JAKMIP3: variants seen among roughly 807,000 people sequenced by gnomAD.
JAKMIP3 encodes the protein janus kinase and microtubule-interacting protein 3.
In JAKMIP3, 58 loss-of-function variants were observed where a neutral mutation model predicts 118.5. The observed-to-expected ratio is 0.49, with a 90% CI of 0.40 to 0.61. JAKMIP3 has a LOEUF of 0.61. Among genes scored for constraint, JAKMIP3 ranks in the 20% least tolerant of loss-of-function variants. The pLI, the probability that JAKMIP3 is intolerant of heterozygous loss-of-function variation, is 0.00. For synonymous variants in JAKMIP3, 486 were observed against 451.2 expected, an observed-to-expected ratio of 1.08 and a Z score of -0.98; for missense variants, 950 against 1,109.0, an observed-to-expected ratio of 0.86 and a Z score of 2.04.
At chr10:132,159,646 GCC>G (rs1564981779) in intron 19 of JAKMIP3, among the ~76,000 whole-genome samples, 7 of 59,324 alleles carry the variant, frequency 1.2e-4, no homozygotes, top group East Asian at 5.1e-4. Context: ...ATGCTGGGGG[GCC>G]TCTCCCTGTG....
intron 1 of JAKMIP3, among the ~76,000 whole-genome samples, chr10:132,039,907 GAC>G (rs1168777811): frequency 8.5e-5 from 13 of 152,364 alleles, no homozygotes; most frequent in African/African-American, 3.1e-4. Flanking sequence ...TCTTTGCCAT[GAC>G]ACTAAGCACT....
intron 2 of JAKMIP3, among the ~76,000 whole-genome samples, chr10:132,105,808 G>T (rs1478004757): frequency 6.9e-6 from 1 of 144,408 alleles, no homozygotes; most frequent in Admixed American, 6.8e-5. Context: ...CCTGGGTCAC[G>T]CGTGGATGGT....
chr10:132,130,760 C>T (rs1277350900), intron 3 of JAKMIP3, among the ~76,000 whole-genome samples: 4 of 152,224 alleles, frequency 2.6e-5, no homozygotes, highest in South Asian at 2.1e-4. Flanking sequence ...ATGGCTGTGG[C>T]GAGACGCATG....
At chr10:132,146,595 C>T (rs570723575) in intron 13 of JAKMIP3, among the ~76,000 whole-genome samples, 1 of 152,182 alleles carries the variant, frequency 6.6e-6, no homozygotes, top group Non-Finnish European at 1.5e-5. Context: ...CGATGTCTCA[C>T]GCTGGCAGGT....
At chr10:132,094,770 C>G (rs551054173) in intron 1 of JAKMIP3, among the ~76,000 whole-genome samples, 21 of 151,966 alleles carry the variant, frequency 1.4e-4, no homozygotes, top group African/African-American at 3.6e-4. Flanking sequence ...GAGAGGAACC[C>G]GCGGTGAGTG....
upstream of JAKMIP3, among the ~76,000 whole-genome samples, chr10:132,059,747 G>A (rs982169007): frequency 6.6e-6 from 1 of 152,238 alleles, no homozygotes; most frequent in Non-Finnish European, 1.5e-5. Flanking sequence ...GGAGGGGGCT[G>A]GTGCCAGGGC....
At chr10:132,062,062 G>A (rs1191771075), upstream of JAKMIP3, among the ~76,000 whole-genome samples, 1 of 152,150 alleles carries the variant, frequency 6.6e-6, no homozygotes. Context: ...GGTGAGCCCA[G>A]ACGAAGAAAC....
chr10:132,167,037 G>A lies in JAKMIP3; in HGVS notation c.*4G>A, dbSNP rs372871079. On this transcript the variant is annotated 3_prime_UTR_variant, in exon 22 of 24. Coordinates refer to ENST00000684848, the MANE Select transcript of JAKMIP3 (RefSeq NM_001323087.2). Reference sequence around the variant, plus strand: ...AGCTTTCATTCTCTGGTCATAGTCCGTCTTGGCACCCTGACGTGGTGAGTA... The same window carrying A: ...AGCTTTCATTCTCTGGTCATAGTCCATCTTGGCACCCTGACGTGGTGAGTA... 40 of 1,549,154 alleles carry A rather than the reference G, an allele frequency of 2.6e-5. No homozygotes were observed. The highest frequency in any genetic ancestry group is 1.5e-4 in the East Asian group (6 of 40,892).
chr10:132,092,228 T>C (rs985729195), intron 1 of JAKMIP3, among the ~76,000 whole-genome samples: 12 of 152,212 alleles, frequency 7.9e-5, no homozygotes, highest in Non-Finnish European at 1.6e-4. Context: ...CTTTGGTGAA[T>C]CTGACAATTA....
intron 11 of JAKMIP3, chr10:132,143,798 C>A (rs566498845): frequency 2.0e-5 from 3 of 152,230 alleles, no homozygotes; most frequent in Non-Finnish European, 4.4e-5. Context: ...ATCCCTGCCA[C>A]GGTCCTGAGG....
At chr10:132,094,791 A>G (rs576757796) in intron 1 of JAKMIP3, among the ~76,000 whole-genome samples, 6 of 148,812 alleles carry the variant, frequency 4.0e-5, no homozygotes, top group Non-Finnish European at 8.9e-5. Flanking sequence ...GGGCCCTGGA[A>G]CTCCTAAGAG....
chr10:132,078,032 G>A (rs1057032351), intron 1 of JAKMIP3, among the ~76,000 whole-genome samples: 10 of 152,190 alleles, frequency 6.6e-5, no homozygotes, highest in Admixed American at 1.3e-4. Context: ...GGCTGGTCTC[G>A]AACTCCTGGG....
In JAKMIP3 at chr10:132,137,001, G is replaced by T. The variant is rs376302188; in HGVS notation, c.1117-18G>T. On this transcript the variant is annotated intron_variant, in intron 6 of 23. Coordinates refer to ENST00000684848, the MANE Select transcript of JAKMIP3 (RefSeq NM_001323087.2). ...CCTTCACTCCCCAACTTGTGATGTG[G>T]GCTGCTTGGCGTTTCAGAGACAGAG... The T allele has an allele frequency of 9.0e-5, 145 of 1,610,964 alleles. No homozygotes were observed. The African/African-American group carries it at 1.8e-3, about 20-fold the overall frequency.
rs1169913111 is a variant in JAKMIP3 at position 132,168,036 on chromosome 10, C to G, written c.*106C>G. ...GACGTCGCGTCTCCATCCTGAAGAC[C>G]CAGGGAGATTTGGTCTCTGCACGCC... On this transcript the variant is annotated 3_prime_UTR_variant, in exon 23 of 24. Coordinates refer to ENST00000684848, the MANE Select transcript of JAKMIP3 (RefSeq NM_001323087.2). 1 of 1,289,426 alleles carries G rather than the reference C, an allele frequency of 7.8e-7. No homozygotes were observed. The highest frequency in any genetic ancestry group is 1.2e-5 in the South Asian group (1 of 81,030). 79.9% of individuals were successfully genotyped at this position (1,289,426 alleles called of 1,614,324 possible).
Position 132,069,830 on chromosome 10 carries a change from G to A in JAKMIP3, c.-138+3769G>A, listed in dbSNP as rs78975036. 6.3e-3 allele frequency among the ~76,000 whole-genome samples: 961 copies of A among 152,274 alleles called. 10 individuals are homozygous for A. Among genetic ancestry groups the A allele is most frequent in the South Asian group, 0.016 (79 of 4,816 alleles). On this transcript the variant is annotated intron_variant, in intron 1 of 23. Coordinates refer to ENST00000684848, the MANE Select transcript of JAKMIP3 (RefSeq NM_001323087.2). ...GGGAAGGTGGGGGCTTCCTGAGCCC[G>A]CCCTTGCTGCTTATCCATTCCACCA...
At chr10:132,180,888 T>C (rs1237384375) in intron 23 of JAKMIP3, among the ~76,000 whole-genome samples, 2 of 151,978 alleles carry the variant, frequency 1.3e-5, no homozygotes, top group African/African-American at 4.8e-5. Flanking sequence ...TGTGCATGTA[T>C]GTGTATGTGT....
At chr10:132,128,059 C>T (rs755169074) in intron 3 of JAKMIP3, among the ~76,000 whole-genome samples, 10 of 152,290 alleles carry the variant, frequency 6.6e-5, no homozygotes, top group East Asian at 1.9e-4. Flanking sequence ...CTTTTCCCTT[C>T]GGCCTGAAAG....
At chr10:132,088,623 G>A (rs2042708894) in intron 1 of JAKMIP3, among the ~76,000 whole-genome samples, 3 of 152,148 alleles carry the variant, frequency 2.0e-5, no homozygotes, top group African/African-American at 7.2e-5. Context: ...TGTCAGATGA[G>A]TAGATTGCAA....
chr10:132,146,995 TGAA>T (rs2054747044), intron 13 of JAKMIP3, among the ~76,000 whole-genome samples: 1 of 152,210 alleles, frequency 6.6e-6, no homozygotes. Context: ...CATGTACACT[TGAA>T]GACATGCACA....
Sources: gnomAD v4.1 joint callset for allele counts (sites outside exome capture counted in the v4.1 genomes callset) on GRCh38, gnomAD v4.1.1 for gene constraint, MANE v1.5 for transcripts, NCBI Gene and HGNC (gene_info 2026-07-23, HGNC 2026-07-21) for gene names.